The following ADAM23 variants were observed in gnomAD, a reference collection of about 807,000 sequenced individuals.
ADAM23 encodes the protein disintegrin and metalloproteinase domain-containing protein 23.
Under a neutral mutation model 120.1 loss-of-function variants are expected in ADAM23, and 33 were observed. That is an observed-to-expected ratio of 0.27 (90% CI 0.21 to 0.37). The LOEUF (loss-of-function observed/expected upper bound fraction) is 0.37, where lower values mean the gene tolerates loss of function less well. ADAM23 is among the 10% of genes least tolerant of loss of function. The pLI is 1.00. For missense variants in ADAM23, 862 were observed against 1,058.2 expected, an observed-to-expected ratio of 0.81 and a Z score of 2.57; for synonymous variants, 367 against 375.2, an observed-to-expected ratio of 0.98 and a Z score of 0.25.
chr2:206,522,261 TG>T (rs1408033217), intron 3 of ADAM23, among the ~76,000 whole-genome samples: 2 of 152,104 alleles, frequency 1.3e-5, no homozygotes, highest in African/African-American at 2.4e-5. Context: ...TATTTTTAGA[TG>T]TTTTTTGTTG....
intron 3 of ADAM23, among the ~76,000 whole-genome samples, chr2:206,482,771 A>G (rs1695923679): frequency 6.6e-6 from 1 of 152,156 alleles, no homozygotes; most frequent in Admixed American, 6.5e-5. Flanking sequence ...GTTAAAATGG[A>G]ATGTTATGGT....
intron 3 of ADAM23, among the ~76,000 whole-genome samples, chr2:206,520,182 C>G (rs1374243644): frequency 6.6e-6 from 1 of 152,004 alleles, no homozygotes; most frequent in East Asian, 1.9e-4. Flanking sequence ...GCAGACATGC[C>G]CTCAGTCTGT....
chr2:206,466,632 A>G (rs751865057), intron 2 of ADAM23, among the ~76,000 whole-genome samples: 12 of 152,220 alleles, frequency 7.9e-5, no homozygotes, highest in Non-Finnish European at 1.6e-4. Context: ...TACGAAATTT[A>G]TTCACTCAGT....
intron 4 of ADAM23, among the ~76,000 whole-genome samples, chr2:206,532,464 T>A (rs1012407537): frequency 1.3e-5 from 2 of 152,152 alleles, no homozygotes; most frequent in Admixed American, 6.5e-5. Flanking sequence ...GTATTTCAAC[T>A]CTAGCAAAAG....
chr2:206,526,949 A>G (rs59898450), intron 3 of ADAM23, among the ~76,000 whole-genome samples: 8,123 of 152,236 alleles, frequency 0.053, 708 homozygotes, highest in African/African-American at 0.19. Context: ...AGTGGGTTCA[A>G]GAGTTTCCTT....
intron 2 of ADAM23, among the ~76,000 whole-genome samples, 168 bp downstream of exon 2, chr2:206,445,692 G>C (rs1319023796): frequency 1.3e-5 from 2 of 152,114 alleles, no homozygotes; most frequent in African/African-American, 4.8e-5. Flanking sequence ...GGATCTACTG[G>C]GATAAGACTG....
intron 2 of ADAM23, among the ~76,000 whole-genome samples, chr2:206,471,913 T>C (rs1167038545): frequency 2.0e-5 from 3 of 152,254 alleles, no homozygotes; most frequent in African/African-American, 7.2e-5. Flanking sequence ...AATACTGCTG[T>C]AGTGATACTT....
At chr2:206,471,622 T>A (rs1436789860) in intron 2 of ADAM23, among the ~76,000 whole-genome samples, 1 of 152,238 alleles carries the variant, frequency 6.6e-6, no homozygotes, top group African/African-American at 2.4e-5. Flanking sequence ...TTATTTAAAT[T>A]ATTTAGTGGG....
At chr2:206,611,585 C>T (rs1017561989) in intron 25 of ADAM23, among the ~76,000 whole-genome samples, 1 of 152,056 alleles carries the variant, frequency 6.6e-6, no homozygotes, top group Admixed American at 6.6e-5. Context: ...CCTCATTTGG[C>T]GTTAAGAAAT....
rs1242904892 is a variant in ADAM23, at chr2:206,619,951, A to G, written c.*2324A>G. 7 of 152,326 alleles carry G rather than the reference A, an allele frequency of 4.6e-5. No homozygotes were observed. The East Asian group carries it at 1.4e-3, about 29-fold the overall frequency. 9.4% of individuals were successfully genotyped at this position (152,326 alleles called of 1,614,324 possible). A position where few individuals can be genotyped will look rare whatever the true frequency, so the allele number is the denominator to read the frequency against. ...GGTAGCATCCCTCTAGTCATTGGCA[A>G]TGGCTCTTTCAGCTCGGAGGAAGCT... On this transcript the variant is annotated 3_prime_UTR_variant, in exon 26 of 26. Transcript: ENST00000264377.
chr2:206,566,671 A>G (rs1408891060), intron 14 of ADAM23, among the ~76,000 whole-genome samples: 7 of 152,338 alleles, frequency 4.6e-5, no homozygotes, highest in East Asian at 1.9e-4. Flanking sequence ...GTGCATATAC[A>G]TACTAAAAAC....
chr2:206,565,516 C>G (rs1042551090), intron 14 of ADAM23, among the ~76,000 whole-genome samples: 2 of 152,152 alleles, frequency 1.3e-5, no homozygotes, highest in African/African-American at 4.8e-5. Flanking sequence ...AAAATTAAGA[C>G]AGACTTATTG....
chr2:206,450,809 A>G (rs2269185), intron 2 of ADAM23, among the ~76,000 whole-genome samples: 44,717 of 152,118 alleles, frequency 0.29, 6,655 homozygotes, highest in South Asian at 0.32. Flanking sequence ...AGATTTACAC[A>G]TAGTAGGTGT....
intron 3 of ADAM23, among the ~76,000 whole-genome samples, chr2:206,484,953 A>T (rs569124610): frequency 6.6e-5 from 10 of 152,274 alleles, no homozygotes; most frequent in African/African-American, 2.4e-4. Flanking sequence ...CATGTAAGAC[A>T]TGCCTTTGCT....
At position 206,618,996 on chromosome 2, in the gene ADAM23, T is replaced by C. The variant is rs1273652237; in HGVS notation, c.*1369T>C. Reference sequence around the variant, plus strand: ...TTAAAAGCTTGGAAAAAATTAAGCTTTCCATTTTATTTGTATTTGTTAGTG... The same window carrying C: ...TTAAAAGCTTGGAAAAAATTAAGCTCTCCATTTTATTTGTATTTGTTAGTG... On this transcript the variant is annotated 3_prime_UTR_variant, in exon 26 of 26. Transcript: ENST00000264377. 6.6e-6 allele frequency: 1 copy of C among 152,200 alleles called. No individual in the cohort carries two copies. Among genetic ancestry groups the C allele is most frequent in the African/African-American group, 2.4e-5 (1 of 41,458 alleles). The allele number at this position is 152,200 out of a possible 1,614,324, so 9.4% of individuals were successfully genotyped here. A position where few individuals can be genotyped will look rare whatever the true frequency, so the allele number is the denominator to read the frequency against.
intron 9 of ADAM23, among the ~76,000 whole-genome samples, chr2:206,551,928 G>T (rs1697536006): frequency 1.3e-5 from 2 of 152,100 alleles, no homozygotes; most frequent in African/African-American, 4.8e-5. Flanking sequence ...GTCCTTTTTG[G>T]TGGAAAGGAA....
chr2:206,488,018 T>C (rs1696053611), intron 3 of ADAM23, among the ~76,000 whole-genome samples: 1 of 152,216 alleles, frequency 6.6e-6, no homozygotes, highest in African/African-American at 2.4e-5. Flanking sequence ...TTAAGATGAA[T>C]ATCTAGAAAA....
chr2:206,503,548 G>A (rs1696433835), intron 3 of ADAM23, among the ~76,000 whole-genome samples: 1 of 152,100 alleles, frequency 6.6e-6, no homozygotes, highest in Admixed American at 6.6e-5. Flanking sequence ...CCACTGGGGG[G>A]AAATCGTGAG....
intron 3 of ADAM23, among the ~76,000 whole-genome samples, chr2:206,515,825 T>C (rs1409202620): frequency 6.7e-6 from 1 of 150,192 alleles, no homozygotes; most frequent in Non-Finnish European, 1.5e-5. Context: ...ACATGTTCTT[T>C]AGAGTTTTTT....
Sources: allele counts gnomAD v4.1 joint callset (sites outside exome capture counted in the v4.1 genomes callset), GRCh38; gene constraint gnomAD v4.1.1; transcripts MANE v1.5; gene names NCBI Gene and HGNC (gene_info 2026-07-23, HGNC 2026-07-21).